DENND1A: variants seen among roughly 807,000 people sequenced by gnomAD.
DENND1A encodes the protein DENN domain containing 1A, also known as DENN domain-containing protein 1A.
In DENND1A, 51 loss-of-function variants were observed where a neutral mutation model predicts 113.7. The ratio of observed to expected loss-of-function variants is 0.45; its 90% CI spans 0.36 to 0.57. DENND1A has a LOEUF of 0.57. Among genes scored for constraint, DENND1A ranks in the 20% least tolerant of loss-of-function variants. The pLI is 0.00. For missense variants in DENND1A, 1,258 were observed against 1,395.9 expected (o/e 0.90, Z 1.57); for synonymous variants, 565 against 570.8 (o/e 0.99, Z 0.14).
At chr9:123,682,309 G>C (rs1046682639) in intron 5 of DENND1A, among the ~76,000 whole-genome samples, 5 of 152,076 alleles carry the variant, frequency 3.3e-5, no homozygotes, top group African/African-American at 7.2e-5. Context: ...AGTGCCTCCC[G>C]GGGGAAGACT....
At chr9:123,512,032 C>T (rs558718914) in intron 13 of DENND1A, among the ~76,000 whole-genome samples, 7 of 152,232 alleles carry the variant, frequency 4.6e-5, no homozygotes, top group East Asian at 1.9e-4. Flanking sequence ...TACAGAGGAT[C>T]GAGTAGGTCA....
At chr9:123,517,284 C>T (rs1225156367) in intron 13 of DENND1A, among the ~76,000 whole-genome samples, 4 of 146,908 alleles carry the variant, frequency 2.7e-5, no homozygotes, top group African/African-American at 5.0e-5. Context: ...CCCACAAAAC[C>T]CCCCCCAAAA....
chr9:123,695,945 T>G (rs1340280665), intron 5 of DENND1A, among the ~76,000 whole-genome samples: 1 of 150,604 alleles, frequency 6.6e-6, no homozygotes, highest in African/African-American at 2.4e-5. Flanking sequence ...CAAACTGATT[T>G]TTATGAACAA....
intron 13 of DENND1A, among the ~76,000 whole-genome samples, chr9:123,528,519 T>G (rs1339408467): frequency 1.3e-5 from 2 of 152,198 alleles, no homozygotes; most frequent in African/African-American, 4.8e-5. Context: ...AGCTGCACAT[T>G]TTTTGACTGA....
intron 5 of DENND1A, among the ~76,000 whole-genome samples, chr9:123,693,982 C>T (rs1355379467): frequency 3.3e-5 from 5 of 151,390 alleles, no homozygotes; most frequent in East Asian, 1.9e-4. Context: ...CGTGTGCCAC[C>T]GCACCCGGCT....
chr9:123,558,804 G>C (rs1180196830), intron 12 of DENND1A, among the ~76,000 whole-genome samples: 11 of 152,190 alleles, frequency 7.2e-5, no homozygotes, highest in Admixed American at 7.2e-4. Flanking sequence ...TTCCCCATAA[G>C]AGGAATTGTG....
intron 11 of DENND1A, 126 bp from the exon 12 acceptor site, chr9:123,583,396 C>T: frequency 3.2e-6 from 2 of 633,062 alleles, no homozygotes; most frequent in Non-Finnish European, 5.5e-6. Context: ...TACTCTGCAG[C>T]AGGCCCAATG....
chr9:123,406,798 A>T (rs1179789550), intron 20 of DENND1A, among the ~76,000 whole-genome samples: 2 of 152,098 alleles, frequency 1.3e-5, no homozygotes, highest in Non-Finnish European at 2.9e-5. Flanking sequence ...GAGTGTGGGT[A>T]GGGTGAAGGA....
At chr9:123,590,300 C>G (rs1244546257) in intron 11 of DENND1A, among the ~76,000 whole-genome samples, 1 of 152,172 alleles carries the variant, frequency 6.6e-6, no homozygotes, top group Non-Finnish European at 1.5e-5. Flanking sequence ...AATCAGATTT[C>G]TCTACTCTCA....
chr9:123,579,185 A>G (rs7860822), intron 12 of DENND1A, among the ~76,000 whole-genome samples: 68,504 of 152,008 alleles, frequency 0.45, 16,169 homozygotes, highest in African/African-American at 0.59. Flanking sequence ...GATAGGATAT[A>G]TGTTTTAAAT....
At chr9:123,707,622 G>A (rs531902851) in intron 5 of DENND1A, among the ~76,000 whole-genome samples, 5 of 152,328 alleles carry the variant, frequency 3.3e-5, no homozygotes, top group South Asian at 2.1e-4. Context: ...GAGGAGAACT[G>A]AGAATTAATC....
intron 18 of DENND1A, among the ~76,000 whole-genome samples, chr9:123,449,115 G>A (rs984166224): frequency 2.0e-5 from 3 of 152,142 alleles, no homozygotes; most frequent in Non-Finnish European, 4.4e-5. Flanking sequence ...GGTGGCCCTG[G>A]GCAAATGACT....
At chr9:123,755,699 C>CT in intron 5 of DENND1A, among the ~76,000 whole-genome samples, 1 of 152,278 alleles carries the variant, frequency 6.6e-6, no homozygotes, top group African/African-American at 2.4e-5. Flanking sequence ...GGATGAAGGC[C>CT]TTTATGATGA....
intron 22 of DENND1A, 122 bp downstream of exon 22, chr9:123,387,608 C>CAGCA: frequency 8.8e-7 from 1 of 1,138,262 alleles, no homozygotes; most frequent in Non-Finnish European, 1.1e-6. Context: ...CACCGGCAGG[C>CAGCA]AGCAGCTCCA....
intron 9 of DENND1A, among the ~76,000 whole-genome samples, chr9:123,639,038 G>GGAAA (rs2061867433): frequency 9.2e-5 from 1 of 10,852 alleles, no homozygotes; most frequent in African/African-American, 5.2e-4. Flanking sequence ...TGCATGAGTA[G>GGAAA]TAAAAAAAAA....
At chr9:123,712,578 G>C (rs550979667) in intron 5 of DENND1A, among the ~76,000 whole-genome samples, 1 of 152,352 alleles carries the variant, frequency 6.6e-6, no homozygotes, top group East Asian at 1.9e-4. Flanking sequence ...ATAAGCATTA[G>C]TTGTTACCAC....
intron 3 of DENND1A, among the ~76,000 whole-genome samples, chr9:123,771,944 G>C (rs1195341370): frequency 6.6e-6 from 1 of 152,144 alleles, no homozygotes; most frequent in Non-Finnish European, 1.5e-5. Flanking sequence ...CTTCATGTTT[G>C]TGATATTACA....
At chr9:123,797,213 C>T (rs1833918392) in intron 2 of DENND1A, among the ~76,000 whole-genome samples, 1 of 152,126 alleles carries the variant, frequency 6.6e-6, no homozygotes, top group African/African-American at 2.4e-5. Context: ...CATATAATCT[C>T]ATTGTTCAAT....
At chr9:123,695,093 C>T (rs976367496) in intron 5 of DENND1A, among the ~76,000 whole-genome samples, 5 of 152,106 alleles carry the variant, frequency 3.3e-5, no homozygotes, top group African/African-American at 7.2e-5. Context: ...TGGCCTCAAA[C>T]GTCAGACTCC....
Sources: allele counts gnomAD v4.1 joint callset (sites outside exome capture counted in the v4.1 genomes callset), GRCh38; gene constraint gnomAD v4.1.1; transcripts MANE v1.5; gene names NCBI Gene and HGNC (gene_info 2026-07-23, HGNC 2026-07-21).